The following TOM1L2 variants were observed in gnomAD, a reference collection of about 807,000 sequenced individuals.
TOM1L2 encodes target of myb1 like 2 membrane trafficking protein.
TOM1L2 carries 31 observed loss-of-function variants against 67.9 expected under a neutral mutation model. The ratio of observed to expected loss-of-function variants is 0.46; its 90% CI spans 0.34 to 0.62. The LOEUF (loss-of-function observed/expected upper bound fraction) is 0.62. Ranked by LOEUF, TOM1L2 falls within the 20% of genes least tolerant of loss-of-function variation. TOM1L2 has a pLI of 0.01. For missense variants in TOM1L2, 606 were observed against 663.5 expected (o/e 0.91, Z 0.95); for synonymous variants, 256 against 254.0 (o/e 1.01, Z -0.07).
chr17:17,847,716 G>A lies in TOM1L2; in HGVS notation c.1443C>T (p.Pro481=). The change falls in exon 15 of 15, where the codon CCC becomes CCT. Residue 481 remains proline, a synonymous_variant. Transcript: ENST00000379504. The part of the protein sequence containing the change: ...AEMVPDLPSP[P]MEAPAPASNP... ...TTGAGGCTGGGGCAGGAGCCTCCAT[G>A]GGGGGCGAGGGGAGGTCGGGAACCA... 1.2e-6 allele frequency: 2 copies of A among 1,613,998 alleles called. No individual in the cohort carries two copies. The highest frequency in any genetic ancestry group is 8.5e-7 in the Non-Finnish European group (1 of 1,179,996).
Position 17,877,112 on chromosome 17 carries a change from C to T in TOM1L2, c.777+2515G>A, listed in dbSNP as rs529898268. ...GCCTCTCCTCAAATACAGCCACATACCCATGAGTCTGCAGGCAAACAGCTC... is the reference window on the plus strand; with the variant it reads ...GCCTCTCCTCAAATACAGCCACATATCCATGAGTCTGCAGGCAAACAGCTC... On this transcript the variant is annotated intron_variant, in intron 7 of 14. Transcript: ENST00000379504. Among the ~76,000 whole-genome samples the T allele has an allele frequency of 2.6e-5, 4 of 152,354 alleles. No individual in the cohort carries two copies. The South Asian group carries it at 6.2e-4, about 24-fold the overall frequency.
At chr17:17,920,075 G>C (rs909494581) in intron 1 of TOM1L2, among the ~76,000 whole-genome samples, 1 of 152,260 alleles carries the variant, frequency 6.6e-6, no homozygotes, top group Non-Finnish European at 1.5e-5. Context: ...ACGGTCCAGA[G>C]TATTGGATGC....
At chr17:17,943,791 G>C (rs1330199512) in intron 1 of TOM1L2, among the ~76,000 whole-genome samples, 1 of 152,146 alleles carries the variant, frequency 6.6e-6, no homozygotes, top group African/African-American at 2.4e-5. Flanking sequence ...CTGATCCTCA[G>C]GGTGACTATC....
chr17:17,852,017 G>A (rs1046769290), intron 12 of TOM1L2, among the ~76,000 whole-genome samples: 1 of 152,212 alleles, frequency 6.6e-6, no homozygotes, highest in African/African-American at 2.4e-5. Context: ...CTAGAGAAAT[G>A]AGGTGATGAC....
intron 2 of TOM1L2, among the ~76,000 whole-genome samples, chr17:17,903,743 G>T (rs1019545211): frequency 5.9e-5 from 9 of 152,072 alleles, no homozygotes; most frequent in Non-Finnish European, 1.2e-4. Context: ...TTTAAACTGT[G>T]ATGAGCATCA....
At chr17:17,902,904 T>C (rs2038920297) in intron 2 of TOM1L2, among the ~76,000 whole-genome samples, 1 of 152,194 alleles carries the variant, frequency 6.6e-6, no homozygotes, top group African/African-American at 2.4e-5. Flanking sequence ...CCCCATTTTA[T>C]AAGTGAGGAA....
chr17:17,962,533 C>T (rs893050350), intron 1 of TOM1L2, among the ~76,000 whole-genome samples: 7 of 151,918 alleles, frequency 4.6e-5, no homozygotes, highest in African/African-American at 7.2e-5. Flanking sequence ...AGGCTGGTCT[C>T]GAACTCCTGA....
chr17:17,847,734 G>A lies in TOM1L2; in HGVS notation c.1425C>T (p.Pro475=), dbSNP rs375303274. The change falls in exon 15 of 15, where the codon CCC becomes CCT. Residue 475 remains proline, a synonymous_variant. Transcript: ENST00000379504. Reference sequence around the variant, plus strand: ...CCTCCATGGGGGGCGAGGGGAGGTCGGGAACCATTTCAGCAGCTTTGGCTC... The same window carrying A: ...CCTCCATGGGGGGCGAGGGGAGGTCAGGAACCATTTCAGCAGCTTTGGCTC... ...EERAKAAEMV[P]DLPSPPMEAP... The A allele has an allele frequency of 6.5e-5, 105 of 1,613,946 alleles. No individual in the cohort carries two copies. Among genetic ancestry groups the A allele is most frequent in the Admixed American group, 1.0e-4 (6 of 59,996 alleles).
intron 12 of TOM1L2, among the ~76,000 whole-genome samples, chr17:17,853,995 G>A (rs1568056277): frequency 6.6e-6 from 1 of 152,242 alleles, no homozygotes. Context: ...CAGAAATTAT[G>A]GAAACTGACT....
At chr17:17,867,921 C>T (rs2036945320) in intron 8 of TOM1L2, among the ~76,000 whole-genome samples, 1 of 152,234 alleles carries the variant, frequency 6.6e-6, no homozygotes, top group African/African-American at 2.4e-5. Flanking sequence ...CTTTCCCACA[C>T]TCATCTTCAA....
chr17:17,899,607 CA>C (rs1020514719), intron 2 of TOM1L2, among the ~76,000 whole-genome samples: 3 of 152,208 alleles, frequency 2.0e-5, no homozygotes, highest in Admixed American at 6.5e-5. Context: ...CAGGATTCAA[CA>C]AAGCTGTGGG....
chr17:17,857,902 G>A (rs1244159760), intron 12 of TOM1L2: 3 of 1,483,088 alleles, frequency 2.0e-6, no homozygotes, highest in Admixed American at 2.0e-5. Flanking sequence ...GAAGTCAATA[G>A]CACATATTGT....
intron 3 of TOM1L2, among the ~76,000 whole-genome samples, chr17:17,896,347 T>C (rs1425554524): frequency 6.6e-6 from 1 of 152,020 alleles, no homozygotes; most frequent in African/African-American, 2.4e-5. Context: ...GGGAAGAGAA[T>C]TGGAAAAACA....
intron 7 of TOM1L2, among the ~76,000 whole-genome samples, chr17:17,873,618 T>A (rs2037264398): frequency 1.3e-5 from 2 of 152,320 alleles, no homozygotes; most frequent in East Asian, 1.9e-4. Context: ...GGCGGCCTGA[T>A]GGAAGGGAGC....
intron 1 of TOM1L2, among the ~76,000 whole-genome samples, chr17:17,965,311 T>C (rs2041836877): frequency 6.6e-6 from 1 of 152,000 alleles, no homozygotes; most frequent in African/African-American, 2.4e-5. Context: ...AATCAGGCCT[T>C]ATCCTCCCTT....
At chr17:17,952,843 A>T (rs2041269507) in intron 1 of TOM1L2, among the ~76,000 whole-genome samples, 2 of 152,218 alleles carry the variant, frequency 1.3e-5, no homozygotes, top group South Asian at 4.1e-4. Flanking sequence ...AGTAAGAAGC[A>T]ACATGGAATG....
intron 1 of TOM1L2, among the ~76,000 whole-genome samples, chr17:17,938,347 A>T (rs1174524268): frequency 6.6e-6 from 1 of 152,232 alleles, no homozygotes; most frequent in African/African-American, 2.4e-5. Flanking sequence ...TCAGCAACCC[A>T]GAGAGCTCCT....
At chr17:17,937,597 C>T (rs1363103694) in intron 1 of TOM1L2, among the ~76,000 whole-genome samples, 1 of 152,202 alleles carries the variant, frequency 6.6e-6, no homozygotes, top group Non-Finnish European at 1.5e-5. Flanking sequence ...GCAGGCTTTG[C>T]GTCACCTGCT....
chr17:17,882,151 A>G (rs945982811), intron 6 of TOM1L2, among the ~76,000 whole-genome samples: 1 of 152,082 alleles, frequency 6.6e-6, no homozygotes, highest in Non-Finnish European at 1.5e-5. Flanking sequence ...GTGCTTCAGG[A>G]GGGCCTCCCT....
Sources: allele counts gnomAD v4.1 joint callset (sites outside exome capture counted in the v4.1 genomes callset), GRCh38; gene constraint gnomAD v4.1.1; transcripts MANE v1.5; gene names NCBI Gene and HGNC (gene_info 2026-07-23, HGNC 2026-07-21).